LITAF: variants seen among roughly 807,000 people sequenced by gnomAD.
The protein encoded by LITAF is lipopolysaccharide induced TNF factor, also known as lipopolysaccharide-induced tumor necrosis factor-alpha factor.
LITAF carries 9 observed loss-of-function variants against 14.5 expected under a neutral mutation model. That is an observed-to-expected ratio of 0.62 (90% CI 0.37 to 1.08). The LOEUF (loss-of-function observed/expected upper bound fraction) is 1.08, where lower values mean the gene tolerates loss of function less well. Ranked by LOEUF, LITAF falls within the 50% of genes least tolerant of loss-of-function variation. The pLI is 0.01. For synonymous variants in LITAF, 98 were observed against 88.2 expected (o/e 1.11, Z -0.62); for missense variants, 206 against 213.4 (o/e 0.97, Z 0.22).
At chr16:11,619,616 G>T (rs1040566841) in intron 3 of LITAF, among the ~76,000 whole-genome samples, 1 of 151,988 alleles carries the variant, frequency 6.6e-6, no homozygotes, top group African/African-American at 2.4e-5. Context: ...GACCAGGCTG[G>T]AGTGCAGTGG....
intron 1 of LITAF, among the ~76,000 whole-genome samples, chr16:11,581,097 C>A (rs905677413): frequency 8.5e-5 from 13 of 152,368 alleles, no homozygotes; most frequent in Non-Finnish European, 1.8e-4. Flanking sequence ...AGGCACACTA[C>A]ATAAACTTCA....
chr16:11,579,330 A>G (rs1238378072), intron 1 of LITAF, among the ~76,000 whole-genome samples: 1 of 151,690 alleles, frequency 6.6e-6, no homozygotes, highest in Non-Finnish European at 1.5e-5. Flanking sequence ...GGGCGCCTGT[A>G]GTCCCAGCTA....
intron 3 of LITAF, among the ~76,000 whole-genome samples, chr16:11,603,911 G>T (rs1034219188): frequency 1.4e-4 from 21 of 152,110 alleles, no homozygotes; most frequent in African/African-American, 5.1e-4. Context: ...CCCAGGCGTG[G>T]TGGCGGGCGC....
rs200789696 is a variant in LITAF at position 11,553,641 on chromosome 16, C to A, written c.269G>T (p.Arg90Leu). ...GGAAGGACAACACATTTGGATAGGG[C>A]GGTCCAAAAAGGTGATGGGGTGCTG... ...YVQHPITFLD[R>L]PIQMCCPSCN... Residue 90 changes from arginine (R) to leucine (L), a missense_variant, in exon 3 of 4, where the codon CGC becomes CTC. By Grantham distance (102) the Arg-to-Leu change is moderately radical. Coordinates refer to ENST00000622633, the MANE Select transcript of LITAF (RefSeq NM_001136472.2). The surrounding 1 kb of genome is among the most constrained non-coding windows in gnomAD (Gnocchi z 7.7). The A allele has an allele frequency of 6.2e-7, 1 of 1,613,976 alleles. No individual in the cohort carries two copies.
chr16:11,551,212 C>T (rs79245913), intron 3 of LITAF, among the ~76,000 whole-genome samples: 3,173 of 152,290 alleles, frequency 0.021, 54 homozygotes, highest in South Asian at 0.032. Context: ...GAAATTTCCT[C>T]CTATTGCCTA....
At chr16:11,566,754 G>A (rs752003555) in intron 1 of LITAF, among the ~76,000 whole-genome samples, 1 of 151,704 alleles carries the variant, frequency 6.6e-6, no homozygotes, top group Admixed American at 6.6e-5. Flanking sequence ...CCTGGGCAGG[G>A]GTAGGGGGGC....
upstream of LITAF, chr16:11,586,998 C>G (rs1438486904): frequency 2.0e-5 from 3 of 152,934 alleles, no homozygotes; most frequent in Non-Finnish European, 4.4e-5. This position sits in a 1 kb window ranked among gnomAD's most constrained non-coding sequence, Gnocchi z 6.5. Flanking sequence ...CGGGGCGGAG[C>G]GCGGCCGGCT....
intron 1 of LITAF, among the ~76,000 whole-genome samples, chr16:11,593,303 C>T (rs1384515172): frequency 1.4e-5 from 2 of 145,912 alleles, no homozygotes; most frequent in East Asian, 2.1e-4. Flanking sequence ...TTGCAGTGAG[C>T]CGAGATTGCG....
chr16:11,625,863 T>A (rs1032898609), intron 3 of LITAF, among the ~76,000 whole-genome samples: 8 of 152,040 alleles, frequency 5.3e-5, no homozygotes, highest in Non-Finnish European at 1.0e-4. Context: ...CCCCCTAAGC[T>A]CTTGGAGCCT....
At chr16:11,593,987 G>C (rs1412043608) in intron 1 of LITAF, among the ~76,000 whole-genome samples, 1 of 151,884 alleles carries the variant, frequency 6.6e-6, no homozygotes, top group African/African-American at 2.4e-5. Context: ...GACCAGCCTG[G>C]GTACCATGGT....
In LITAF at chr16:11,576,554, A is replaced by AAAAAAAAAAGAC. The variant is rs1555469756; in HGVS notation, c.-6+10331_-6+10332insGTCTTTTTTTTT. On this transcript the variant is annotated intron_variant, in intron 1 of 3. Transcript: ENST00000622633. ...ATCTGCAAAAAAAAAAAAAAAAAAA[A>AAAAAAAAAAGAC]AGAGAGAGAGAAAGAGAAAAAGAGA... 6.9e-4 allele frequency among the ~76,000 whole-genome samples: 81 copies of AAAAAAAAAAGAC among 116,626 alleles called. 3 individuals carry two copies. Among genetic ancestry groups the AAAAAAAAAAGAC allele is most frequent in the Non-Finnish European group, 9.4e-4 (54 of 57,360 alleles). The allele number at this position is 116,626 out of a possible 152,430, so 76.5% of individuals were successfully genotyped here.
intron 1 of LITAF, among the ~76,000 whole-genome samples, chr16:11,559,581 G>A (rs776628518): frequency 1.7e-4 from 26 of 152,138 alleles, no homozygotes; most frequent in Non-Finnish European, 2.8e-4. Flanking sequence ...AGGAAAAAAT[G>A]AATGTAAAAT....
intron 1 of LITAF, among the ~76,000 whole-genome samples, chr16:11,562,669 G>A (rs776099827): frequency 6.6e-6 from 1 of 152,110 alleles, no homozygotes; most frequent in Non-Finnish European, 1.5e-5. Context: ...GGCCGACGTG[G>A]GCAGATCACT....
upstream of LITAF, among the ~76,000 whole-genome samples, chr16:11,599,420 T>C (rs2141862360): frequency 6.6e-6 from 1 of 152,266 alleles, no homozygotes; most frequent in East Asian, 1.9e-4. Context: ...GCTATTATGA[T>C]GATGGTGTTG....
At chr16:11,585,975 T>G (rs2064799227) in intron 1 of LITAF, among the ~76,000 whole-genome samples, 1 of 152,096 alleles carries the variant, frequency 6.6e-6, no homozygotes, top group African/African-American at 2.4e-5. Context: ...CATACACCTT[T>G]CCCCTATCAC....
intron 3 of LITAF, among the ~76,000 whole-genome samples, chr16:11,603,567 G>A (rs892118469): frequency 6.6e-6 from 1 of 152,220 alleles, no homozygotes; most frequent in African/African-American, 2.4e-5. Context: ...GGCTGGAAAC[G>A]CCCTGGGGGA....
chr16:11,576,245 A>G (rs1283267415), intron 1 of LITAF, among the ~76,000 whole-genome samples: 1 of 151,876 alleles, frequency 6.6e-6, no homozygotes, highest in East Asian at 1.9e-4. Flanking sequence ...GAGGCGGGTG[A>G]ATCACTTGAG....
chr16:11,638,395 A>C (rs1206534237), upstream of LITAF, among the ~76,000 whole-genome samples: 2 of 151,902 alleles, frequency 1.3e-5, no homozygotes, highest in Non-Finnish European at 2.9e-5. Flanking sequence ...AGGTGTCCTC[A>C]AACTCAGAGG....
chr16:11,624,814 C>T (rs1245519315), intron 3 of LITAF, among the ~76,000 whole-genome samples: 1 of 152,162 alleles, frequency 6.6e-6, no homozygotes, highest in Admixed American at 6.6e-5. Context: ...ATCTGGGTGG[C>T]CTCGAGACTT....
Sources: allele counts gnomAD v4.1 joint callset (sites outside exome capture counted in the v4.1 genomes callset), GRCh38; gene constraint gnomAD v4.1.1; non-coding constraint Gnocchi (gnomAD v3.1); transcripts MANE v1.5; gene names NCBI Gene and HGNC (gene_info 2026-07-23, HGNC 2026-07-21).